Variants in ARHGDIG observed in about 807,000 individuals in gnomAD.
The protein encoded by ARHGDIG is Rho GDP dissociation inhibitor gamma.
A neutral mutation model predicts 20.2 loss-of-function variants in ARHGDIG; 14 were observed. That is an observed-to-expected ratio of 0.69 (90% CI 0.46 to 1.08). ARHGDIG has a LOEUF of 1.08. ARHGDIG is among the 50% of genes least tolerant of loss of function. The pLI, the probability that ARHGDIG is intolerant of heterozygous loss-of-function variation, is 0.00. For synonymous variants in ARHGDIG, 193 were observed against 138.6 expected (o/e 1.39, Z -2.76); for missense variants, 311 against 301.8 (o/e 1.03, Z -0.23).
rs1193762282 is a variant in ARHGDIG, at chr16:282,264, G to C, written c.338-33G>C. ...CTGGAGCAGGTCTCAGCCTGTAGGG[G>C]AGTTCCGACCCTAGCTGAGGTTTCC... On this transcript the variant is annotated intron_variant, in intron 3 of 5. Transcript: ENST00000219409. 3 of 1,612,562 alleles carry C rather than the reference G, an allele frequency of 1.9e-6. No individual in the cohort carries two copies. In the South Asian group the frequency reaches 3.3e-5, roughly 18 times the overall value.
In ARHGDIG at chr16:282,511, C is replaced by A; in HGVS notation, c.459C>A (p.Thr153=). The A allele has an allele frequency of 6.2e-7, 1 of 1,608,588 alleles. No homozygotes were observed. The highest frequency in any genetic ancestry group is 8.5e-7 in the Non-Finnish European group (1 of 1,179,056). The part of the protein sequence containing the change: ...IVSGLKCLHH[T]YRRGLRVDKT... ...GCGGCCTCAAGTGTCTGCACCACAC[C>A]TACCGCCGGGGCCTGCGCGGTGAGG... The change falls in exon 5 of 6, where the codon ACC becomes ACA. Residue 153 remains threonine (T), a synonymous_variant. Coordinates refer to ENST00000219409, the MANE Select transcript of ARHGDIG (RefSeq NM_001176.4).
At position 282,340 on chromosome 16, in the gene ARHGDIG, A is replaced by G. The variant is rs746288496; in HGVS notation, c.381A>G (p.Glu127=). The G allele has an allele frequency of 6.3e-7, 1 of 1,581,992 alleles. No homozygotes were observed. The highest frequency in any genetic ancestry group is 1.1e-5 in the South Asian group (1 of 90,372). ...VLKDQVFVLK[E]GVDYRVKISF... is the part of the protein sequence containing the mutation. ...AGGACCAGGTGTTTGTCCTGAAGGAAGGTGTTGATTACAGAGTGAAGATCT... is the reference window on the plus strand; with the variant it reads ...AGGACCAGGTGTTTGTCCTGAAGGAGGGTGTTGATTACAGAGTGAAGATCT... Residue 127 remains glutamate (E), a synonymous_variant, in exon 4 of 6, where the codon GAA becomes GAG. Transcript: ENST00000219409.
chr16:282,408 G>T (rs770098316), intron 4 of ARHGDIG, 35 bp downstream of exon 4: 37 of 1,611,730 alleles, frequency 2.3e-5, no homozygotes, highest in Non-Finnish European at 3.1e-5. Flanking sequence ...GGGGATGGGG[G>T]TGGGGGCAAC....
In ARHGDIG at chr16:280,917, T is replaced by A; in HGVS notation, c.73+164T>A. 3.2e-6 allele frequency: 1 copy of A among 313,660 alleles called. No homozygotes were observed. Among genetic ancestry groups the A allele is most frequent in the Non-Finnish European group, 5.5e-6 (1 of 181,670 alleles). 19.4% of individuals were successfully genotyped at this position (313,660 alleles called of 1,614,324 possible). On this transcript the variant is annotated intron_variant, in intron 1 of 5. Coordinates refer to ENST00000219409, the MANE Select transcript of ARHGDIG (RefSeq NM_001176.4). The surrounding 1 kb of genome is among the most constrained non-coding windows in gnomAD (Gnocchi z 6.6). ...GGGGACTTCATCCAGGCTCCAGCCC[T>A]GTGGGGAAGGGACCAGGTGCGGACG...
In ARHGDIG at chr16:282,863, C is replaced by T; in HGVS notation, c.*49C>T. The T allele has an allele frequency of 1.3e-6, 2 of 1,497,170 alleles. No homozygotes were observed. Among genetic ancestry groups the T allele is most frequent in the Non-Finnish European group, 1.8e-6 (2 of 1,121,036 alleles). 92.7% of individuals were successfully genotyped at this position (1,497,170 alleles called of 1,614,324 possible). A position where few individuals can be genotyped will look rare whatever the true frequency, so the allele number is the denominator to read the frequency against. On this transcript the variant is annotated 3_prime_UTR_variant, in exon 6 of 6. Coordinates refer to ENST00000219409, the MANE Select transcript of ARHGDIG (RefSeq NM_001176.4). ...CCTCCCTCAGTTGTTGCACAGGGAC[C>T]CCCAAGCATCCCCAGCACCCCCCGT...
chr16:282,523 C>T lies in ARHGDIG; in HGVS notation c.471C>T (p.Gly157=). 6.8e-7 allele frequency: 1 copy of T among 1,460,460 alleles called. No individual in the cohort carries two copies. Among genetic ancestry groups the T allele is most frequent in the Middle Eastern group, 2.2e-4 (1 of 4,542 alleles). 90.5% of individuals were successfully genotyped at this position (1,460,460 alleles called of 1,614,324 possible). Residue 157 remains glycine, a synonymous_variant, in exon 5 of 6, where the codon GGC becomes GGT. Coordinates refer to ENST00000219409, the MANE Select transcript of ARHGDIG (RefSeq NM_001176.4). ...LKCLHHTYRR[G]LRVDKTVYMV... Reference sequence around the variant, plus strand: ...GTCTGCACCACACCTACCGCCGGGGCCTGCGCGGTGAGGGCAGCGGTGGGG... The same window carrying T: ...GTCTGCACCACACCTACCGCCGGGGTCTGCGCGGTGAGGGCAGCGGTGGGG...
In ARHGDIG at chr16:282,991, A is replaced by C; in HGVS notation, c.*177A>C. 1.2e-6 allele frequency: 1 copy of C among 843,488 alleles called. No individual in the cohort carries two copies. The highest frequency in any genetic ancestry group is 1.7e-6 in the Non-Finnish European group (1 of 603,110). 52.3% of individuals were successfully genotyped at this position (843,488 alleles called of 1,614,324 possible). A position where few individuals can be genotyped will look rare whatever the true frequency, so the allele number is the denominator to read the frequency against. ...TGTCCCCTGAGCTGTCCCATTAAAC[A>C]TGGCCCTGTCTCTCTCGGTGCCCTG... On this transcript the variant is annotated 3_prime_UTR_variant, in exon 6 of 6. Transcript: ENST00000219409.
chr16:282,160 G>T, intron 3 of ARHGDIG, 52 bp downstream of exon 3: 1 of 1,609,770 alleles, frequency 6.2e-7, no homozygotes, highest in Non-Finnish European at 8.5e-7. Context: ...TCCCAGGCAC[G>T]CTTCTGCACC....
chr16:282,217 A>T, intron 3 of ARHGDIG, 80 bp from the exon 4 acceptor site: 1 of 1,605,460 alleles, frequency 6.2e-7, no homozygotes, highest in Non-Finnish European at 8.5e-7. Context: ...CCTCATGGGT[A>T]CCACACCCTA....
intron 3 of ARHGDIG, 35 bp from the exon 4 acceptor site, chr16:282,262 G>A: frequency 1.9e-6 from 3 of 1,612,254 alleles, no homozygotes; most frequent in South Asian, 1.1e-5. Context: ...CAGCCTGTAG[G>A]GGAGTTCCGA....
In ARHGDIG at chr16:280,776, G is replaced by C. The variant is rs781643430; in HGVS notation, c.73+23G>C. ...GAGGTGAGCGGGCCGGGCAGGGGCG[G>C]GGGGCTCGGCTGGTCTCAGCCCCGG... On this transcript the variant is annotated intron_variant, in intron 1 of 5. Transcript: ENST00000219409. The surrounding 1 kb of genome is among the most constrained non-coding windows in gnomAD (Gnocchi z 6.6). 9.5e-6 allele frequency: 12 copies of C among 1,268,320 alleles called. No individual in the cohort carries two copies. Among genetic ancestry groups the C allele is most frequent in the Non-Finnish European group, 1.1e-5 (11 of 1,005,500 alleles). 78.6% of individuals were successfully genotyped at this position (1,268,320 alleles called of 1,614,324 possible). A position where few individuals can be genotyped will look rare whatever the true frequency, so the allele number is the denominator to read the frequency against.
In ARHGDIG at chr16:282,521, GGCCTGCGCGGTGA is replaced by G; in HGVS notation, c.471_478+5del. 6.2e-7 allele frequency: 1 copy of G among 1,604,840 alleles called. No individual in the cohort carries two copies. Among genetic ancestry groups the G allele is most frequent in the Non-Finnish European group, 8.5e-7 (1 of 1,177,932 alleles). On this transcript the variant is annotated splice_donor_variant and splice_donor_region_variant and coding_sequence_variant and intron_variant, in exon 5 of 6. Transcript: ENST00000219409. LOFTEE classifies it high-confidence loss of function. The stretch of plus-strand genomic sequence containing the variant: ...GTGTCTGCACCACACCTACCGCCGG[GGCCTGCGCGGTGA>G]GGGCAGCGGTGGGGGGAACGGGGCG...
rs1052042103 is a variant in ARHGDIG, at chr16:282,836, T to C, written c.*22T>C. On this transcript the variant is annotated 3_prime_UTR_variant, in exon 6 of 6. Transcript: ENST00000219409. ...CTGAACCCCCAGTCCGTGTCTCCCC[T>C]ACCTCCCTCAGTTGTTGCACAGGGA... is the stretch of plus-strand genomic sequence containing the variant. The C allele has an allele frequency of 2.6e-6, 4 of 1,566,228 alleles. No homozygotes were observed. The highest frequency in any genetic ancestry group is 2.6e-6 in the Non-Finnish European group (3 of 1,160,664).
At position 282,647 on chromosome 16, in the gene ARHGDIG, G is replaced by C; in HGVS notation, c.511G>C (p.Gly171Arg). 6.3e-7 allele frequency: 1 copy of C among 1,599,586 alleles called. No individual in the cohort carries two copies. Residue 171 changes from glycine to arginine, a missense_variant, in exon 6 of 6, where the codon GGC becomes CGC. Coordinates refer to ENST00000219409, the MANE Select transcript of ARHGDIG (RefSeq NM_001176.4). ...GACCGTCTACATGGTGGGCAGCTAT[G>C]GCCCGAGCGCCCAGGAGTATGAGTT... ...DKTVYMVGSY[G>R]PSAQEYEFVT...
chr16:282,615 T>TG lies in ARHGDIG; in HGVS notation c.481dup (p.Asp161GlyfsTer18). 6.3e-7 allele frequency: 1 copy of TG among 1,594,092 alleles called. No homozygotes were observed. The highest frequency in any genetic ancestry group is 8.5e-7 in the Non-Finnish European group (1 of 1,170,468). Reference sequence around the variant, plus strand: ...GCTCTGATGCCCTCGCCCTCCCTAGTGGACAAGACCGTCTACATGGTGGGC... The same window carrying TG: ...GCTCTGATGCCCTCGCCCTCCCTAGTGGGACAAGACCGTCTACATGGTGGGC... On this transcript the variant is annotated frameshift_variant and splice_region_variant, in exon 6 of 6. Transcript: ENST00000219409. LOFTEE classifies it low-confidence loss of function (END_TRUNC).
At chr16:282,403 TG>T (rs2052295628) in intron 4 of ARHGDIG, 30 bp downstream of exon 4, 1 of 1,005,548 alleles carries the variant, frequency 9.9e-7, no homozygotes, top group Non-Finnish European at 1.5e-6. Flanking sequence ...GCGGAGGGGA[TG>T]GGGGTGGGGG....
rs1332960923 is a variant in ARHGDIG at position 282,963 on chromosome 16, CGCTGTCCCCTGA to C, written c.*158_*169del. ...TCTGTCCCGGGACCCCCTGGCCTGG[CGCTGTCCCCTGA>C]GCTGTCCCATTAAACATGGCCCTGT... On this transcript the variant is annotated 3_prime_UTR_variant, in exon 6 of 6. Transcript: ENST00000219409. 2.7e-5 allele frequency: 26 copies of C among 970,770 alleles called. No homozygotes were observed. The East Asian group carries it at 3.2e-4, about 12-fold the overall frequency. 60.1% of individuals were successfully genotyped at this position (970,770 alleles called of 1,614,324 possible). A position where few individuals can be genotyped will look rare whatever the true frequency, so the allele number is the denominator to read the frequency against.
chr16:282,569 A>AT, intron 5 of ARHGDIG, 39 bp downstream of exon 5: 2 of 1,327,860 alleles, frequency 1.5e-6, no homozygotes, highest in Non-Finnish European at 2.0e-6. Context: ...GGGGGGGGGA[A>AT]GCGGGGGCAG....
In ARHGDIG at chr16:282,915, C is replaced by G; in HGVS notation, c.*101C>G. 8.5e-7 allele frequency: 1 copy of G among 1,174,630 alleles called. No individual in the cohort carries two copies. The highest frequency in any genetic ancestry group is 1.2e-6 in the Non-Finnish European group (1 of 855,630). The allele number at this position is 1,174,630 out of a possible 1,614,324, so 72.8% of individuals were successfully genotyped here. On this transcript the variant is annotated 3_prime_UTR_variant, in exon 6 of 6. Transcript: ENST00000219409. The stretch of plus-strand genomic sequence containing the variant: ...AGTGACCAGACCCTCCCCTGCTGCC[C>G]CTGCTGCCCCTGCTGCCCCTGCTCT...
Sources: gnomAD v4.1 joint callset for allele counts on GRCh38, gnomAD v4.1.1 for gene constraint, Gnocchi (gnomAD v3.1) non-coding constraint, MANE v1.5 for transcripts, NCBI Gene and HGNC (gene_info 2026-07-23, HGNC 2026-07-21) for gene names.